CCDC7: variants seen among roughly 807,000 people sequenced by gnomAD.
CCDC7 encodes coiled-coil domain containing 7.
CCDC7 carries 183 observed loss-of-function variants against 196.9 expected under a neutral mutation model. That is an observed-to-expected ratio of 0.93 (90% confidence interval 0.82 to 1.05). The LOEUF (loss-of-function observed/expected upper bound fraction) is 1.05, where lower values mean the gene tolerates loss of function less well. Ranked by LOEUF, CCDC7 falls within the 50% of genes least tolerant of loss-of-function variation. The pLI is 0.00. For missense variants in CCDC7, 1,540 were observed against 1,482.2 expected (o/e 1.04, Z -0.64); for synonymous variants, 525 against 484.6 (o/e 1.08, Z -1.10).
chr10:32,632,949 C>T (rs1223338308), intron 18 of CCDC7, among the ~76,000 whole-genome samples: 1 of 152,104 alleles, frequency 6.6e-6, no homozygotes, highest in East Asian at 1.9e-4. Flanking sequence ...TGTAGACTTC[C>T]AGTGAGCTCT....
downstream of CCDC7, chr10:32,877,031 A>T (rs558198064): frequency 1.1e-4 from 16 of 152,216 alleles, no homozygotes; most frequent in East Asian, 2.3e-3. Flanking sequence ...CAAGAATCAG[A>T]GGAATGAGCA....
At chr10:32,640,475 G>A (rs1460970011) in intron 20 of CCDC7, among the ~76,000 whole-genome samples, 1 of 152,144 alleles carries the variant, frequency 6.6e-6, no homozygotes, top group African/African-American at 2.4e-5. Flanking sequence ...TTGCCAGTCT[G>A]TGTCTTTTAA....
chr10:32,759,597 G>C (rs1312893484), intron 28 of CCDC7, among the ~76,000 whole-genome samples: 1 of 152,272 alleles, frequency 6.6e-6, no homozygotes, highest in South Asian at 2.1e-4. Flanking sequence ...ATTAATTCAA[G>C]ATGGATTAAA....
chr10:32,572,866 CTTTTTT>C (rs576270039), intron 16 of CCDC7, among the ~76,000 whole-genome samples: 2 of 90,354 alleles, frequency 2.2e-5, no homozygotes, highest in Non-Finnish European at 2.0e-5. Context: ...AAGCATGGTG[CTTTTTT>C]TTTTTTTTTT....
chr10:32,709,092 C>G (rs1449010403), intron 24 of CCDC7, among the ~76,000 whole-genome samples: 1 of 152,038 alleles, frequency 6.6e-6, no homozygotes, highest in Non-Finnish European at 1.5e-5. Flanking sequence ...CAGTGATAGA[C>G]TGGATTAAGA....
intron 29 of CCDC7, among the ~76,000 whole-genome samples, chr10:32,787,376 A>G (rs2082040355): frequency 6.6e-6 from 1 of 152,202 alleles, no homozygotes; most frequent in African/African-American, 2.4e-5. Flanking sequence ...TTGAACAGCT[A>G]TCTACACATG....
At chr10:32,536,611 G>T (rs939471700) in intron 11 of CCDC7, among the ~76,000 whole-genome samples, 7 of 152,200 alleles carry the variant, frequency 4.6e-5, no homozygotes, top group African/African-American at 1.7e-4. Context: ...TTTATCACCT[G>T]GGTAATAAGC....
chr10:32,458,732 G>C (rs2034935707), intron 3 of CCDC7, among the ~76,000 whole-genome samples: 1 of 151,978 alleles, frequency 6.6e-6, no homozygotes, highest in Non-Finnish European at 1.5e-5. Context: ...GCTACTTAGG[G>C]TCTTTTGTGG....
chr10:32,499,598 A>T (rs1915244), intron 9 of CCDC7, among the ~76,000 whole-genome samples: 116,994 of 141,328 alleles, frequency 0.83, 46,428 homozygotes, highest in African/African-American at 0.86. Context: ...TTTCTTTTTT[A>T]TTTTTTTATT....
chr10:32,821,632 TA>T (rs1214401687), intron 31 of CCDC7, among the ~76,000 whole-genome samples: 2 of 152,068 alleles, frequency 1.3e-5, no homozygotes, highest in African/African-American at 4.8e-5. Context: ...TATGCAACCA[TA>T]AAAAAGGATG....
At chr10:32,861,628 C>T (rs2093987829) in intron 41 of CCDC7, among the ~76,000 whole-genome samples, 1 of 152,150 alleles carries the variant, frequency 6.6e-6, no homozygotes, top group Admixed American at 6.6e-5. Flanking sequence ...TCATAGTGAA[C>T]AGGCAACCTA....
intron 32 of CCDC7, among the ~76,000 whole-genome samples, chr10:32,828,078 T>C (rs1270217794): frequency 1.3e-5 from 2 of 152,196 alleles, no homozygotes; most frequent in Non-Finnish European, 2.9e-5. Context: ...AAGCATTTCT[T>C]TCCACTGACT....
intron 25 of CCDC7, among the ~76,000 whole-genome samples, chr10:32,714,379 T>A (rs1406124178): frequency 6.6e-6 from 1 of 152,182 alleles, no homozygotes; most frequent in East Asian, 1.9e-4. Context: ...CCAGATACTA[T>A]GCTTTTCCCA....
chr10:32,479,551 C>G (rs982678928), intron 8 of CCDC7, among the ~76,000 whole-genome samples: 22 of 152,112 alleles, frequency 1.4e-4, no homozygotes, highest in Non-Finnish European at 5.9e-5. Context: ...CCCCAGGGAT[C>G]AGTCCCACTT....
At chr10:32,636,363 A>C (rs898544676) in intron 20 of CCDC7, among the ~76,000 whole-genome samples, 2 of 152,104 alleles carry the variant, frequency 1.3e-5, no homozygotes, top group African/African-American at 4.8e-5. Flanking sequence ...ATATTTGCTA[A>C]TGCTATCCCT....
At chr10:32,537,309 G>T (rs960987088) in intron 11 of CCDC7, among the ~76,000 whole-genome samples, 2 of 152,122 alleles carry the variant, frequency 1.3e-5, no homozygotes, top group Non-Finnish European at 2.9e-5. Flanking sequence ...CTTTTGAAAA[G>T]TGTCCATTCA....
chr10:32,520,342 A>G (rs763889727), intron 11 of CCDC7, among the ~76,000 whole-genome samples: 10 of 152,106 alleles, frequency 6.6e-5, no homozygotes, highest in South Asian at 2.1e-4. Context: ...CCAACAGTGT[A>G]TGAGGGTTCC....
At chr10:32,509,680 A>G (rs1183903706) in intron 9 of CCDC7, among the ~76,000 whole-genome samples, 2 of 152,214 alleles carry the variant, frequency 1.3e-5, no homozygotes, top group Non-Finnish European at 2.9e-5. Context: ...TATAAAAAAT[A>G]TACAAGGGAC....
chr10:32,686,005 G>A, exon 22 of CCDC7: 20 of 1,587,950 alleles, frequency 1.3e-5, no homozygotes, highest in Non-Finnish European at 1.7e-5. Context: ...GCTTGTAGTT[G>A]AGCATCAAGA....
Sources: gnomAD v4.1 joint callset for allele counts (sites outside exome capture counted in the v4.1 genomes callset) on GRCh38, gnomAD v4.1.1 for gene constraint, MANE v1.5 for transcripts, NCBI Gene and HGNC (gene_info 2026-07-23, HGNC 2026-07-21) for gene names.